Variants in QTGAL observed in about 807,000 individuals in gnomAD.
QTGAL encodes queuosine-tRNA galactosyltransferase.
the QTGAL span, among the ~76,000 whole-genome samples, chr17:83,009,767 C>T: frequency 6.6e-6 from 1 of 152,098 alleles, no homozygotes; most frequent in Non-Finnish European, 1.5e-5. Context: ...CAAATGAACG[C>T]AGAGAGCTCA....
the QTGAL span, chr17:82,942,233 C>T: frequency 1.3e-4 from 76 of 605,904 alleles, no homozygotes; most frequent in African/African-American, 7.4e-4. Context: ...CCTCCCTTCC[C>T]GCTCCCCAGA....
At chr17:82,946,703 T>C in the QTGAL span, among the ~76,000 whole-genome samples, 1 of 152,278 alleles carries the variant, frequency 6.6e-6, no homozygotes, top group East Asian at 1.9e-4. Context: ...CCTAAAGTGG[T>C]GCTTAAGCGA....
the QTGAL span, among the ~76,000 whole-genome samples, chr17:83,047,078 G>A: frequency 2.6e-5 from 4 of 152,228 alleles, no homozygotes; most frequent in Admixed American, 2.0e-4. Flanking sequence ...GCGTGCCACC[G>A]CAGAATACCC....
At chr17:83,050,247 G>A in the QTGAL span, among the ~76,000 whole-genome samples, 3 of 152,164 alleles carry the variant, frequency 2.0e-5, no homozygotes, top group African/African-American at 7.2e-5. Context: ...GTGCATGCCT[G>A]TAATCCCAGC....
At chr17:83,042,465 G>C in the QTGAL span, among the ~76,000 whole-genome samples, 2 of 152,186 alleles carry the variant, frequency 1.3e-5, no homozygotes, top group East Asian at 3.8e-4. Flanking sequence ...TTGAAGCTAA[G>C]TGTTAATTCA....
At chr17:82,981,975 G>A in the QTGAL span, among the ~76,000 whole-genome samples, 1 of 152,246 alleles carries the variant, frequency 6.6e-6, no homozygotes, top group Non-Finnish European at 1.5e-5. Flanking sequence ...TCATCACAAA[G>A]GCCTCCAACC....
At chr17:82,998,565 T>G in the QTGAL span, among the ~76,000 whole-genome samples, 2 of 152,264 alleles carry the variant, frequency 1.3e-5, no homozygotes, top group African/African-American at 4.8e-5. Flanking sequence ...CAGGATGGTC[T>G]CAACTGCCTG....
chr17:83,032,476 C>A, the QTGAL span, among the ~76,000 whole-genome samples: 7 of 122,326 alleles, frequency 5.7e-5, no homozygotes, highest in Non-Finnish European at 1.2e-4. Flanking sequence ...CCAGGCCAGG[C>A]CTCCGACGCA....
the QTGAL span, among the ~76,000 whole-genome samples, chr17:83,001,884 C>G: frequency 6.6e-6 from 1 of 152,118 alleles, no homozygotes; most frequent in African/African-American, 2.4e-5. Context: ...ATCCTCCCAC[C>G]TCAGCCTCCC....
the QTGAL span, chr17:83,005,636 T>G: frequency 2.8e-6 from 2 of 703,420 alleles, no homozygotes; most frequent in Non-Finnish European, 5.2e-6. This position sits in a 1 kb window ranked among gnomAD's most constrained non-coding sequence, Gnocchi z 5.6. Flanking sequence ...GCCGCCCGTC[T>G]GAACCTGCTC....
At chr17:82,998,227 T>A in the QTGAL span, among the ~76,000 whole-genome samples, 1 of 152,044 alleles carries the variant, frequency 6.6e-6, no homozygotes. Flanking sequence ...TCTCACATAA[T>A]CCATAAATAT....
chr17:82,960,115 G>C, the QTGAL span, among the ~76,000 whole-genome samples: 6 of 152,204 alleles, frequency 3.9e-5, no homozygotes, highest in African/African-American at 1.4e-4. Context: ...GGGCATAAGG[G>C]AGAGGAGCGC....
chr17:82,949,841 A>C, the QTGAL span: 1 of 152,154 alleles, frequency 6.6e-6, no homozygotes, highest in African/African-American at 2.4e-5. Flanking sequence ...TATCTCCTTG[A>C]GATAGGGAAA....
At chr17:83,023,743 T>C in the QTGAL span, among the ~76,000 whole-genome samples, 1 of 152,120 alleles carries the variant, frequency 6.6e-6, no homozygotes, top group Non-Finnish European at 1.5e-5. Context: ...GCGCCAGATC[T>C]CCTTCCTTCC....
At chr17:82,982,203 AGCGGGCCG>A in the QTGAL span, among the ~76,000 whole-genome samples, 112 of 10,726 alleles carry the variant, frequency 0.01, no homozygotes, top group African/African-American at 0.059. Flanking sequence ...TGATGGGCCG[AGCGGGCCG>A]AGGAAGGAGG....
the QTGAL span, among the ~76,000 whole-genome samples, chr17:82,996,521 C>CAAA: frequency 2.8e-4 from 35 of 124,976 alleles, no homozygotes; most frequent in Admixed American, 1.1e-3. Context: ...GACTCTGCCT[C>CAAA]AAAAAAAAAA....
the QTGAL span, among the ~76,000 whole-genome samples, chr17:82,983,677 T>C: frequency 6.6e-6 from 1 of 152,212 alleles, no homozygotes. Flanking sequence ...GCACAGCAGA[T>C]GCTCCGTGGG....
the QTGAL span, chr17:83,006,847 C>T: frequency 3.0e-5 from 29 of 974,854 alleles, no homozygotes; most frequent in Non-Finnish European, 3.5e-5. This position sits in a 1 kb window ranked among gnomAD's most constrained non-coding sequence, Gnocchi z 5.8. Flanking sequence ...GGGATAAATG[C>T]CCAGGAGAGC....
At chr17:83,019,514 G>T in the QTGAL span, among the ~76,000 whole-genome samples, 1 of 152,206 alleles carries the variant, frequency 6.6e-6, no homozygotes, top group Non-Finnish European at 1.5e-5. Flanking sequence ...GGACGGAGAC[G>T]GGTGGCAGCC....
Sources: allele counts gnomAD v4.1 joint callset (sites outside exome capture counted in the v4.1 genomes callset), GRCh38; gene constraint gnomAD v4.1.1; non-coding constraint Gnocchi (gnomAD v3.1); transcripts MANE v1.5; gene names NCBI Gene and HGNC (gene_info 2026-07-23, HGNC 2026-07-21).